The following CSNK1G3 variants were observed in gnomAD, a reference collection of about 807,000 sequenced individuals.
CSNK1G3 encodes casein kinase 1 gamma 3, also known as casein kinase I isoform gamma-3.
A neutral mutation model predicts 64.3 loss-of-function variants in CSNK1G3; 23 were observed. The observed-to-expected ratio is 0.36, with a 90% CI of 0.26 to 0.51. CSNK1G3 has a LOEUF of 0.51. CSNK1G3 is among the 20% of genes least tolerant of loss of function. CSNK1G3 has a pLI of 0.96. For missense variants in CSNK1G3, 357 were observed against 510.5 expected, an observed-to-expected ratio of 0.70 and a Z score of 2.90; for synonymous variants, 158 against 162.2, an observed-to-expected ratio of 0.97 and a Z score of 0.20.
At chr5:123,600,764 G>A (rs7734097) in intron 10 of CSNK1G3, among the ~76,000 whole-genome samples, 147,545 of 152,296 alleles carry the variant, frequency 0.97, 71,465 homozygotes, top group East Asian at 0.99. Flanking sequence ...TCTGTACTCT[G>A]AAATCTATAA....
chr5:123,539,891 G>C (rs1781415015), intron 1 of CSNK1G3, among the ~76,000 whole-genome samples: 2 of 151,962 alleles, frequency 1.3e-5, no homozygotes. Context: ...CAAGGGATTT[G>C]TCCATTTCAT....
At chr5:123,606,797 TTTA>T (rs1436948164) in intron 12 of CSNK1G3, among the ~76,000 whole-genome samples, 1 of 152,176 alleles carries the variant, frequency 6.6e-6, no homozygotes, top group Non-Finnish European at 1.5e-5. Flanking sequence ...CATTTATCCA[TTTA>T]TTCATTCAGC....
intron 4 of CSNK1G3, among the ~76,000 whole-genome samples, chr5:123,564,463 T>C (rs1786430059): frequency 6.6e-6 from 1 of 152,028 alleles, no homozygotes. Flanking sequence ...AAATTTCATA[T>C]TTAGTTTTGC....
chr5:123,549,938 TTTTTC>T (rs1242522956), intron 2 of CSNK1G3, among the ~76,000 whole-genome samples: 1 of 152,210 alleles, frequency 6.6e-6, no homozygotes, highest in Non-Finnish European at 1.5e-5. Flanking sequence ...TTATTTTTGT[TTTTTC>T]TTTTCTTATT....
intron 1 of CSNK1G3, among the ~76,000 whole-genome samples, chr5:123,520,134 G>T (rs1417187428): frequency 2.0e-5 from 3 of 152,004 alleles, no homozygotes; most frequent in African/African-American, 7.3e-5. Flanking sequence ...CTTAAACCTA[G>T]CCTGCTTAAA....
intron 4 of CSNK1G3, among the ~76,000 whole-genome samples, chr5:123,564,985 A>G (rs1436211861): frequency 2.0e-5 from 3 of 152,172 alleles, no homozygotes; most frequent in Admixed American, 6.6e-5. Context: ...GGTTGTAGCT[A>G]TTGATATTTA....
chr5:123,574,005 A>G (rs1788647876), intron 5 of CSNK1G3, among the ~76,000 whole-genome samples: 1 of 152,000 alleles, frequency 6.6e-6, no homozygotes. Flanking sequence ...GCATGCCACT[A>G]CGCCCGACCA....
chr5:123,523,179 G>T (rs1778440391), intron 1 of CSNK1G3, among the ~76,000 whole-genome samples: 1 of 151,960 alleles, frequency 6.6e-6, no homozygotes, highest in Non-Finnish European at 1.5e-5. Flanking sequence ...CTGTTGATGA[G>T]GAACGGTCTC....
chr5:123,520,872 ATG>A (rs1231776827), intron 1 of CSNK1G3, among the ~76,000 whole-genome samples: 2 of 151,430 alleles, frequency 1.3e-5, no homozygotes, highest in African/African-American at 4.9e-5. Flanking sequence ...GGAAGTGAAA[ATG>A]TTTTTTTTCT....
At chr5:123,524,535 C>T (rs1170084344) in intron 1 of CSNK1G3, among the ~76,000 whole-genome samples, 6 of 152,196 alleles carry the variant, frequency 3.9e-5, no homozygotes, top group Middle Eastern at 3.4e-3. Context: ...TTTAAGACTT[C>T]GTTTCAAGTA....
intron 1 of CSNK1G3, among the ~76,000 whole-genome samples, chr5:123,527,188 C>G (rs1321359003): frequency 1.6e-4 from 24 of 151,998 alleles, no homozygotes; most frequent in Non-Finnish European, 1.5e-5. Flanking sequence ...TTTACGGGAG[C>G]CTCATTTTTC....
At position 123,601,498 on chromosome 5, in the gene CSNK1G3, T is replaced by C. The variant is rs890996714; in HGVS notation, c.1087-3226T>C. On this transcript the variant is annotated intron_variant, in intron 10 of 12. Transcript: ENST00000345990. ...AATTACATTAAAGGAAGATGTTGCT[T>C]CCTTCTGGTCTGGTTCTGGTCAACC... 3.9e-5 allele frequency among the ~76,000 whole-genome samples: 6 copies of C among 152,298 alleles called. No individual in the cohort carries two copies. In the South Asian group the frequency reaches 1.2e-3, roughly 32 times the overall value.
chr5:123,611,515 AAGAACTCAACTCTC>A (rs1049548105), intron 12 of CSNK1G3, among the ~76,000 whole-genome samples: 24 of 152,290 alleles, frequency 1.6e-4, no homozygotes, highest in South Asian at 4.1e-4. Context: ...CTTAAGTGTA[AAGAACTCAACTCTC>A]AGAACTCAAC....
intron 1 of CSNK1G3, among the ~76,000 whole-genome samples, chr5:123,532,585 G>C (rs12188944): frequency 0.6 from 91,467 of 151,466 alleles, 28,882 homozygotes; most frequent in African/African-American, 0.79. Flanking sequence ...CTCAGGAAGT[G>C]TATGGATTTC....
intron 12 of CSNK1G3, among the ~76,000 whole-genome samples, chr5:123,607,003 T>C (rs566422887): frequency 2.6e-5 from 4 of 152,282 alleles, no homozygotes; most frequent in African/African-American, 9.6e-5. Flanking sequence ...CAGAGAATAC[T>C]TGATGGAGGT....
chr5:123,556,764 T>TTGTGTG (rs5871049), intron 3 of CSNK1G3, among the ~76,000 whole-genome samples: 3 of 148,766 alleles, frequency 2.0e-5, no homozygotes, highest in Admixed American at 6.7e-5. Context: ...CTGTACATGT[T>TTGTGTG]TGTGTGTGTG....
At chr5:123,517,524 GA>G (rs148111252) in intron 1 of CSNK1G3, among the ~76,000 whole-genome samples, 10 of 147,040 alleles carry the variant, frequency 6.8e-5, no homozygotes, top group African/African-American at 2.3e-4. Context: ...AATGATTAGG[GA>G]AAAAAAAACA....
chr5:123,576,632 C>T (rs1466172898), intron 6 of CSNK1G3, among the ~76,000 whole-genome samples: 1 of 152,046 alleles, frequency 6.6e-6, no homozygotes, highest in Non-Finnish European at 1.5e-5. Context: ...TTTTTAGGAG[C>T]ACAGGCTATT....
chr5:123,552,112 A>T (rs1367410784), intron 2 of CSNK1G3, among the ~76,000 whole-genome samples: 1 of 151,708 alleles, frequency 6.6e-6, no homozygotes, highest in Non-Finnish European at 1.5e-5. Context: ...TATTTTAAAT[A>T]TTTTATGTAA....
Sources: gnomAD v4.1 joint callset for allele counts (sites outside exome capture counted in the v4.1 genomes callset) on GRCh38, gnomAD v4.1.1 for gene constraint, MANE v1.5 for transcripts, NCBI Gene and HGNC (gene_info 2026-07-23, HGNC 2026-07-21) for gene names.